Variants in CRISP2 observed in about 807,000 individuals in gnomAD.
The protein encoded by CRISP2 is cysteine rich secretory protein 2, also known as cysteine-rich secretory protein 2.
A neutral mutation model predicts 31.7 loss-of-function variants in CRISP2; 29 were observed. That is an observed-to-expected ratio of 0.92 (90% CI 0.68 to 1.25). The LOEUF (loss-of-function observed/expected upper bound fraction) is 1.25. CRISP2 is among the 50% of genes most tolerant of loss of function. CRISP2 has a pLI of 0.00. For missense variants in CRISP2, 318 were observed against 286.5 expected (o/e 1.11, Z -0.79); for synonymous variants, 111 against 101.4 (o/e 1.09, Z -0.57).
chr6:49,704,629 G>A (rs1445388228), intron 4 of CRISP2, among the ~76,000 whole-genome samples: 7 of 152,076 alleles, frequency 4.6e-5, no homozygotes, highest in East Asian at 1.9e-4. Context: ...GGGGTCTAGC[G>A]ACCCAGCAGA....
the CRISP2 span, among the ~76,000 whole-genome samples, chr6:49,685,512 A>G: frequency 6.6e-6 from 1 of 152,186 alleles, no homozygotes; most frequent in African/African-American, 2.4e-5. Flanking sequence ...TTATTCCTAC[A>G]TTCTCCTTTC....
In CRISP2 at chr6:49,692,829, C is replaced by G; in HGVS notation, c.676G>C (p.Glu226Gln). 1 of 1,613,794 alleles carries G rather than the reference C, an allele frequency of 6.2e-7. No individual in the cohort carries two copies. The highest frequency in any genetic ancestry group is 8.5e-7 in the Non-Finnish European group (1 of 1,179,750). The change falls in exon 10 of 10, where the codon GAG (glutamate) becomes CAG (glutamine). Residue 226 changes from glutamate to glutamine, a missense_variant. Coordinates refer to ENST00000339139, the MANE Select transcript of CRISP2 (RefSeq NM_003296.4). ...GCCTTGCACTTTTCCTTGAGTAACT[C>G]ATGTTCACAGCCAGCTGTATTCTTC... ...SLKNTAGCEH[E>Q]LLKEKCKATC...
Position 49,703,390 on chromosome 6 carries a change from A to T in CRISP2, c.67-2606T>A, listed in dbSNP as rs191230476. Among the ~76,000 whole-genome samples the T allele has an allele frequency of 6.0e-4, 92 of 152,208 alleles. No individual in the cohort carries two copies. The East Asian group carries it at 0.017, about 28-fold the overall frequency. On this transcript the variant is annotated intron_variant, in intron 4 of 9. Coordinates refer to ENST00000339139, the MANE Select transcript of CRISP2 (RefSeq NM_003296.4). The stretch of plus-strand genomic sequence containing the variant: ...GGTATTTTGATGGGAATTGCATTAA[A>T]TTTGTAGATTGCTTTTGGCAGTATG...
At chr6:49,689,107 G>T (rs1200174946), downstream of CRISP2, among the ~76,000 whole-genome samples, 3 of 152,070 alleles carry the variant, frequency 2.0e-5, no homozygotes, top group East Asian at 5.8e-4. Flanking sequence ...GACCTCAGGT[G>T]ATCTGCCCTC....
chr6:49,704,759 G>T (rs937379232), intron 4 of CRISP2, among the ~76,000 whole-genome samples: 1 of 152,184 alleles, frequency 6.6e-6, no homozygotes. Flanking sequence ...GCAGGGGAGT[G>T]AAGTGGACTC....
At chr6:49,690,273 C>T (rs1204345911), downstream of CRISP2, among the ~76,000 whole-genome samples, 1 of 152,050 alleles carries the variant, frequency 6.6e-6, no homozygotes, top group Non-Finnish European at 1.5e-5. Flanking sequence ...AATAAATAGT[C>T]ACAGGTTTCT....
At chr6:49,706,582 A>G (rs950587527) in intron 4 of CRISP2, among the ~76,000 whole-genome samples, 2 of 152,148 alleles carry the variant, frequency 1.3e-5, no homozygotes, top group Non-Finnish European at 2.9e-5. Context: ...GGATGTGAAA[A>G]TTCCTGGGTA....
At chr6:49,714,141 A>G (rs112758500), upstream of CRISP2, among the ~76,000 whole-genome samples, 1,782 of 152,334 alleles carry the variant, frequency 0.012, 38 homozygotes, top group African/African-American at 0.041. Context: ...TAGCATACGT[A>G]TCAAGCATGG....
intron 4 of CRISP2, among the ~76,000 whole-genome samples, chr6:49,704,433 T>A (rs1766646072): frequency 6.6e-6 from 1 of 152,134 alleles, no homozygotes; most frequent in African/African-American, 2.4e-5. Flanking sequence ...GAACGTTGTT[T>A]TGTCATATTA....
At chr6:49,701,990 A>AC (rs1766041738) in intron 4 of CRISP2, among the ~76,000 whole-genome samples, 1 of 38,614 alleles carries the variant, frequency 2.6e-5, no homozygotes, top group African/African-American at 1.2e-4. Flanking sequence ...TATATAATAT[A>AC]ATATATTATA....
chr6:49,709,022 T>C (rs530608928), intron 4 of CRISP2, 109 bp downstream of exon 4: 121 of 886,902 alleles, frequency 1.4e-4, no homozygotes, highest in Admixed American at 5.5e-4. Flanking sequence ...TCTGAACCAG[T>C]GGAAACTCTG....
intron 8 of CRISP2, 185 bp downstream of exon 8, chr6:49,697,675 C>T (rs866202862): frequency 2.0e-6 from 3 of 1,489,690 alleles, no homozygotes; most frequent in Non-Finnish European, 2.7e-6. Context: ...AGTTTTTATA[C>T]CTGAAAGTGA....
rs959804288 is a variant in CRISP2, at chr6:49,695,889, T to C, written c.551A>G (p.Gln184Arg). The change falls in exon 9 of 10, where the codon CAA becomes CGA. Residue 184 changes from glutamine (Q) to arginine (R), a missense_variant. Physicochemically the swap from Gln to Arg is conservative, Grantham distance 43. Transcript: ENST00000339139. ...NNMNRKNTPYQQGTPCAGCPD... is the reference protein window; with the variant it reads ...NNMNRKNTPYRQGTPCAGCPD... ...GCAACCGGCACAAGGTGTTCCTTGTTGGTACGGGGTATTCTTTCTATTCAT... is the reference window on the plus strand; with the variant it reads ...GCAACCGGCACAAGGTGTTCCTTGTCGGTACGGGGTATTCTTTCTATTCAT... 1 of 1,613,012 alleles carries C rather than the reference T, an allele frequency of 6.2e-7. No homozygotes were observed. Among genetic ancestry groups the C allele is most frequent in the Non-Finnish European group, 8.5e-7 (1 of 1,179,382 alleles).
chr6:49,699,840 T>A lies in CRISP2; in HGVS notation c.235A>T (p.Thr79Ser). Residue 79 changes from threonine (T) to serine (S), a missense_variant, in exon 6 of 10, where the codon ACT (threonine) becomes TCT (serine). Physicochemically the swap from Thr to Ser is moderately conservative, Grantham distance 58. Coordinates refer to ENST00000339139, the MANE Select transcript of CRISP2 (RefSeq NM_003296.4). ...TCCTCTGGATCACTATGTTGTAAAG[T>A]GCACTTGTTTGCCCACCTTTGGGCA... ...TNAQRWANKC[T>S]LQHSDPEDRK... 1 of 1,612,690 alleles carries A rather than the reference T, an allele frequency of 6.2e-7. No homozygotes were observed. Among genetic ancestry groups the A allele is most frequent in the Non-Finnish European group, 8.5e-7 (1 of 1,179,144 alleles).
At chr6:49,697,830 T>C in intron 8 of CRISP2, 30 bp downstream of exon 8, 1 of 1,604,444 alleles carries the variant, frequency 6.2e-7, no homozygotes, top group Non-Finnish European at 8.5e-7. Context: ...GATAGAATTA[T>C]TGCCATTAAA....
chr6:49,693,070 T>C (rs1394161486), intron 9 of CRISP2, among the ~76,000 whole-genome samples, 170 bp from the exon 10 acceptor site: 1 of 152,222 alleles, frequency 6.6e-6, no homozygotes, highest in African/African-American at 2.4e-5. Flanking sequence ...ATGGTGTATA[T>C]GTGCCACATT....
chr6:49,678,923 A>T, the CRISP2 span, among the ~76,000 whole-genome samples: 1 of 152,292 alleles, frequency 6.6e-6, no homozygotes, highest in African/African-American at 2.4e-5. Flanking sequence ...TTGGTGTCCC[A>T]GTTGGCTCTG....
intron 4 of CRISP2, among the ~76,000 whole-genome samples, chr6:49,705,304 A>G (rs1380101401): frequency 6.6e-6 from 1 of 152,050 alleles, no homozygotes; most frequent in Non-Finnish European, 1.5e-5. Flanking sequence ...GCCAGAAGTG[A>G]CAGGCTTCAC....
intron 4 of CRISP2, among the ~76,000 whole-genome samples, chr6:49,706,203 G>T (rs1026375982): frequency 7.9e-5 from 12 of 152,282 alleles, no homozygotes; most frequent in African/African-American, 2.6e-4. Flanking sequence ...TAAAGCTGGA[G>T]CCCATGATTC....
Sources: gnomAD v4.1 joint callset for allele counts (sites outside exome capture counted in the v4.1 genomes callset) on GRCh38, gnomAD v4.1.1 for gene constraint, MANE v1.5 for transcripts, NCBI Gene and HGNC (gene_info 2026-07-23, HGNC 2026-07-21) for gene names.